The following DPY19L4 variants were observed in gnomAD, a reference collection of about 807,000 sequenced individuals.
The protein encoded by DPY19L4 is dpy-19 like 4, also known as probable C-mannosyltransferase DPY19L4.
In DPY19L4, 97 loss-of-function variants were observed where a neutral mutation model predicts 102.8. The ratio of observed to expected loss-of-function variants is 0.94; its 90% CI spans 0.80 to 1.12. DPY19L4 has a LOEUF of 1.12. DPY19L4 is among the 50% of genes most tolerant of loss of function. The pLI is 0.00. For synonymous variants in DPY19L4, 252 were observed against 283.1 expected, an observed-to-expected ratio of 0.89 and a Z score of 1.10; for missense variants, 815 against 850.4, an observed-to-expected ratio of 0.96 and a Z score of 0.52.
At chr8:94,741,548 A>T (rs2130824597) in intron 6 of DPY19L4, among the ~76,000 whole-genome samples, 1 of 152,328 alleles carries the variant, frequency 6.6e-6, no homozygotes, top group East Asian at 1.9e-4. Context: ...TAAGAGATTA[A>T]TTTAATAGCT....
rs769835284 is a variant in DPY19L4 at position 94,726,312 on chromosome 8, A to G, written c.17-19A>G. On this transcript the variant is annotated intron_variant, in intron 1 of 18. Transcript: ENST00000414645. ...ACAATTTTATACACACATTGCAATA[A>G]TGTCTTAAATATTTTAAGGACCACC... 2 of 1,577,662 alleles carry G rather than the reference A, an allele frequency of 1.3e-6. No individual in the cohort carries two copies. The highest frequency in any genetic ancestry group is 1.2e-5 in the South Asian group (1 of 84,014).
chr8:94,773,810 T>G (rs954207488), intron 13 of DPY19L4, among the ~76,000 whole-genome samples: 2 of 145,046 alleles, frequency 1.4e-5, no homozygotes, highest in Non-Finnish European at 3.0e-5. Flanking sequence ...CGGAGGCAGA[T>G]GATCACTTGA....
At chr8:94,754,359 C>T (rs917178549) in intron 6 of DPY19L4, among the ~76,000 whole-genome samples, 3 of 151,996 alleles carry the variant, frequency 2.0e-5, no homozygotes, top group Non-Finnish European at 4.4e-5. Context: ...GATAACGTGC[C>T]GAGCCTGGTT....
chr8:94,770,447 T>A lies in DPY19L4; in HGVS notation c.1335-5T>A. 6.3e-7 allele frequency: 1 copy of A among 1,597,264 alleles called. No homozygotes were observed. Among genetic ancestry groups the A allele is most frequent in the Non-Finnish European group, 8.5e-7 (1 of 1,175,880 alleles). ...AGTATTAAAAAATACATTTTCTTTT[T>A]GTAGTGGTAAGTCCCTGAAGGAAAC... On this transcript the variant is annotated splice_region_variant and splice_polypyrimidine_tract_variant and intron_variant, in intron 12 of 18. Coordinates refer to ENST00000414645, the MANE Select transcript of DPY19L4 (RefSeq NM_181787.3).
At chr8:94,738,748 A>C (rs929993885) in intron 4 of DPY19L4, among the ~76,000 whole-genome samples, 2 of 151,792 alleles carry the variant, frequency 1.3e-5, no homozygotes, top group Non-Finnish European at 2.9e-5. Flanking sequence ...TCTTGACCTC[A>C]TGATCTGCCC....
intron 10 of DPY19L4, among the ~76,000 whole-genome samples, chr8:94,766,227 T>C (rs961614256): frequency 1.3e-5 from 2 of 152,162 alleles, no homozygotes; most frequent in Admixed American, 1.3e-4. Context: ...TACAAAAAAT[T>C]AGCTGGGCGT....
chr8:94,731,512 G>T (rs1436916310), intron 2 of DPY19L4, among the ~76,000 whole-genome samples: 1 of 151,892 alleles, frequency 6.6e-6, no homozygotes, highest in African/African-American at 2.4e-5. Context: ...CACCTCCCGG[G>T]TTCAAGCAAT....
chr8:94,773,213 C>CAAA (rs1319486647), intron 13 of DPY19L4, among the ~76,000 whole-genome samples: 2 of 67,550 alleles, frequency 3.0e-5, no homozygotes. Flanking sequence ...GACTCCGTAT[C>CAAA]AAAAAAAAAA....
intron 2 of DPY19L4, among the ~76,000 whole-genome samples, chr8:94,727,089 C>G (rs1810722706): frequency 6.6e-6 from 1 of 152,184 alleles, no homozygotes; most frequent in Admixed American, 6.5e-5. Context: ...ATGACTCATT[C>G]TAATCCAGAG....
intron 6 of DPY19L4, among the ~76,000 whole-genome samples, chr8:94,748,058 C>A (rs140530245): frequency 1.3e-5 from 2 of 152,146 alleles, no homozygotes; most frequent in African/African-American, 4.8e-5. Context: ...ATTTTGTCAC[C>A]TCCCACTGTT....
At chr8:94,743,644 A>G (rs1473593790) in intron 6 of DPY19L4, among the ~76,000 whole-genome samples, 2 of 150,744 alleles carry the variant, frequency 1.3e-5, no homozygotes, top group Non-Finnish European at 3.0e-5. Flanking sequence ...TCAAAAATAA[A>G]TGAATGAATG....
intron 18 of DPY19L4, among the ~76,000 whole-genome samples, chr8:94,788,679 G>A (rs1255698131): frequency 2.0e-5 from 3 of 152,150 alleles, no homozygotes; most frequent in Admixed American, 6.5e-5. Flanking sequence ...AGCCCCCATG[G>A]CCTTCCAATG....
In DPY19L4 at chr8:94,719,908, G is replaced by A. The variant is rs1810373046; in HGVS notation, c.-91G>A. 4.3e-6 allele frequency: 6 copies of A among 1,385,936 alleles called. No homozygotes were observed. Among genetic ancestry groups the A allele is most frequent in the South Asian group, 1.6e-5 (1 of 63,804 alleles). 85.9% of individuals were successfully genotyped at this position (1,385,936 alleles called of 1,614,324 possible). On this transcript the variant is annotated 5_prime_UTR_variant, in exon 1 of 19. Coordinates refer to ENST00000414645, the MANE Select transcript of DPY19L4 (RefSeq NM_181787.3). Reference sequence around the variant, plus strand: ...GTGGGGGCGCGGCGGCCAGGAGCGGGCCCCCGGAGGCCGAGGGGTTCGGCG... The same window carrying A: ...GTGGGGGCGCGGCGGCCAGGAGCGGACCCCCGGAGGCCGAGGGGTTCGGCG...
rs201734726 is a variant in DPY19L4, at chr8:94,739,606, A to T, written c.466-39A>T. The T allele has an allele frequency of 1.7e-4, 281 of 1,608,144 alleles. 1 individual carries two copies. In the African/African-American group the frequency reaches 3.5e-3, roughly 20 times the overall value. On this transcript the variant is annotated intron_variant, in intron 5 of 18. Coordinates refer to ENST00000414645, the MANE Select transcript of DPY19L4 (RefSeq NM_181787.3). The stretch of plus-strand genomic sequence containing the variant: ...ATGAATCCTCAAATTATTTAATGCC[A>T]TCCTATTGTCTTGTTCTCTTTCTGT...
At chr8:94,753,244 A>C (rs1812024476) in intron 6 of DPY19L4, among the ~76,000 whole-genome samples, 1 of 152,204 alleles carries the variant, frequency 6.6e-6, no homozygotes. Flanking sequence ...TCAAAAAAGA[A>C]TAAGTATGAA....
At chr8:94,774,377 G>A (rs7014120) in intron 13 of DPY19L4, among the ~76,000 whole-genome samples, 18,501 of 151,232 alleles carry the variant, frequency 0.12, 1,265 homozygotes, top group Non-Finnish European at 0.15. Flanking sequence ...TTATGATAAA[G>A]AAGTACATAA....
chr8:94,767,735 T>C (rs1430154050), intron 11 of DPY19L4, among the ~76,000 whole-genome samples: 1 of 152,204 alleles, frequency 6.6e-6, no homozygotes, highest in Admixed American at 6.5e-5. Flanking sequence ...TTGAATTACA[T>C]TTGTCAATAT....
chr8:94,777,923 C>G, intron 14 of DPY19L4, 137 bp downstream of exon 14: 1 of 1,125,376 alleles, frequency 8.9e-7, no homozygotes, highest in African/African-American at 1.6e-5. Flanking sequence ...AGATCCTGCG[C>G]AAAACATTTT....
In DPY19L4 at chr8:94,766,593, T is replaced by C. The variant is rs775046200; in HGVS notation, c.1102-19T>C. 6.2e-7 allele frequency: 1 copy of C among 1,609,582 alleles called. No individual in the cohort carries two copies. Among genetic ancestry groups the C allele is most frequent in the Non-Finnish European group, 8.5e-7 (1 of 1,177,508 alleles). ...CATAGCTAATATTTCTTTGTTTAAC[T>C]GGTGTTTTTCTCTTCTAGATGTTTG... On this transcript the variant is annotated intron_variant, in intron 10 of 18. Transcript: ENST00000414645.
Sources: allele counts gnomAD v4.1 joint callset (sites outside exome capture counted in the v4.1 genomes callset), GRCh38; gene constraint gnomAD v4.1.1; transcripts MANE v1.5; gene names NCBI Gene and HGNC (gene_info 2026-07-23, HGNC 2026-07-21).